NRK: variants seen among roughly 807,000 people sequenced by gnomAD.
The protein encoded by NRK is nik-related protein kinase.
In NRK, 67 loss-of-function variants were observed where a neutral mutation model predicts 125.2. That is an observed-to-expected ratio of 0.54 (90% CI 0.44 to 0.66). The LOEUF (loss-of-function observed/expected upper bound fraction) is 0.66, where lower values mean the gene tolerates loss of function less well. Among genes scored for constraint, NRK ranks in the 30% least tolerant of loss-of-function variants. The pLI is 0.00. For synonymous variants in NRK, 458 were observed against 429.0 expected, an observed-to-expected ratio of 1.07 and a Z score of -0.84; for missense variants, 1,224 against 1,192.9, an observed-to-expected ratio of 1.03 and a Z score of -0.38.
chrX:105,926,921 T>G (rs2040531275), intron 19 of NRK, among the ~76,000 whole-genome samples: 1 of 111,439 alleles, frequency 9.0e-6, no homozygotes, highest in South Asian at 3.7e-4. Flanking sequence ...TTGTGATGCC[T>G]CTAGTATTAT....
chrX:105,856,127 A>T (rs192594121), intron 2 of NRK, among the ~76,000 whole-genome samples: 2 of 111,976 alleles, frequency 1.8e-5, no homozygotes, highest in African/African-American at 6.5e-5. Context: ...TTACATTAAC[A>T]GTTGCTTACA....
intron 2 of NRK, among the ~76,000 whole-genome samples, chrX:105,854,266 A>G (rs771210119): frequency 8.9e-6 from 1 of 111,928 alleles, no homozygotes; most frequent in African/African-American, 3.2e-5. Context: ...GTCTGCTGCC[A>G]AACAGACTAA....
intron 19 of NRK, among the ~76,000 whole-genome samples, chrX:105,925,641 T>C (rs376496038): frequency 2.7e-5 from 3 of 111,374 alleles, no homozygotes; most frequent in African/African-American, 9.7e-5. Flanking sequence ...AACGACTATT[T>C]ACTCTCTAGT....
intron 2 of NRK, among the ~76,000 whole-genome samples, chrX:105,857,884 C>G (rs1009445857): frequency 9.0e-6 from 1 of 110,815 alleles, no homozygotes; most frequent in Non-Finnish European, 1.9e-5. Flanking sequence ...CCTTCTCTCT[C>G]TCTCTGTATG....
intron 2 of NRK, among the ~76,000 whole-genome samples, chrX:105,862,078 T>G (rs1050828125): frequency 2.1e-4 from 12 of 57,705 alleles, no homozygotes; most frequent in South Asian, 6.5e-4. Flanking sequence ...TCTATTGATC[T>G]ATCTATCTAT....
At chrX:105,859,163 A>G (rs184594578) in intron 2 of NRK, among the ~76,000 whole-genome samples, 2 of 111,835 alleles carry the variant, frequency 1.8e-5, no homozygotes, top group East Asian at 2.8e-4. Flanking sequence ...TCAGTTAGAT[A>G]AAAGAGAAAA....
chrX:105,933,154 A>C (rs1160135795), intron 19 of NRK, among the ~76,000 whole-genome samples: 2 of 100,375 alleles, frequency 2.0e-5, no homozygotes, highest in Non-Finnish European at 4.0e-5. Flanking sequence ...CAGTGGGAAA[A>C]TATCTATGTC....
chrX:105,913,192 G>T (rs2040323989), intron 14 of NRK, among the ~76,000 whole-genome samples: 1 of 111,526 alleles, frequency 9.0e-6, no homozygotes, highest in South Asian at 3.7e-4. Flanking sequence ...CTCACATATA[G>T]GTAGTGGGAA....
chrX:105,850,582 A>G (rs770914576), intron 2 of NRK, among the ~76,000 whole-genome samples: 1 of 112,352 alleles, frequency 8.9e-6, no homozygotes. Flanking sequence ...TTTTAACAGC[A>G]CCCAAGTCAC....
At position 105,896,520 on chromosome X, in the gene NRK, A is replaced by G. The variant is rs556703257; in HGVS notation, c.580+997A>G. ...TTTCTTTTGTGTCTGTCTAAAAGCT[A>G]TAAAGCTAGAAACACAATTTTAAAA... On this transcript the variant is annotated intron_variant, in intron 7 of 28. Coordinates refer to ENST00000243300, the MANE Select transcript of NRK (RefSeq NM_198465.4). Among the ~76,000 whole-genome samples, 60 of 111,926 alleles carry G rather than the reference A, an allele frequency of 5.4e-4. No individual in the cohort carries two copies. In the Middle Eastern group the frequency reaches 0.028, roughly 52 times the overall value.
chrX:105,862,089 CTATCTATCTATCTATT>C (rs1402958413), intron 2 of NRK, among the ~76,000 whole-genome samples: 1 of 111,155 alleles, frequency 9.0e-6, no homozygotes, highest in Non-Finnish European at 1.9e-5. Context: ...ATCTATCTAT[CTATCTATCTATCTATT>C]TATCTATATC....
At chrX:105,849,977 C>T (rs1254031708) in intron 2 of NRK, among the ~76,000 whole-genome samples, 2 of 112,098 alleles carry the variant, frequency 1.8e-5, no homozygotes, top group East Asian at 5.7e-4. Context: ...TAGGTGATGC[C>T]CCAGTAGGGA....
intron 4 of NRK, 105 bp downstream of exon 4, chrX:105,881,884 TAA>T: frequency 2.2e-6 from 1 of 457,042 alleles, no homozygotes; most frequent in Admixed American, 3.7e-5. Flanking sequence ...AGACTGCTAC[TAA>T]AAGTGTTCTT....
intron 1 of NRK, among the ~76,000 whole-genome samples, chrX:105,825,412 G>A (rs1287231999): frequency 8.9e-6 from 1 of 111,984 alleles, no homozygotes; most frequent in Non-Finnish European, 1.9e-5. Flanking sequence ...TTCAAACATT[G>A]GAGTTGCAAA....
chrX:105,934,730 G>A (rs1264404421), intron 20 of NRK, among the ~76,000 whole-genome samples: 5 of 112,163 alleles, frequency 4.5e-5, no homozygotes, highest in East Asian at 2.8e-4. Flanking sequence ...TAGCCATCAC[G>A]ATTTGTGTTA....
At chrX:105,841,150 C>T (rs1190365114) in intron 2 of NRK, among the ~76,000 whole-genome samples, 1 of 110,995 alleles carries the variant, frequency 9.0e-6, no homozygotes, top group African/African-American at 3.3e-5. Flanking sequence ...TGGGTGGTGC[C>T]AAAATCGCAC....
At chrX:105,927,569 A>T (rs2147775186) in intron 19 of NRK, among the ~76,000 whole-genome samples, 1 of 111,562 alleles carries the variant, frequency 9.0e-6, no homozygotes, top group East Asian at 2.8e-4. Flanking sequence ...TCTTAGAGGA[A>T]AGAATTTCAG....
At chrX:105,887,345 A>G (rs955475274) in intron 4 of NRK, among the ~76,000 whole-genome samples, 6 of 112,227 alleles carry the variant, frequency 5.3e-5, no homozygotes, top group Non-Finnish European at 9.4e-5. Context: ...ATCATTAGTC[A>G]TCAGGGAATT....
intron 19 of NRK, among the ~76,000 whole-genome samples, chrX:105,932,824 C>T (rs1246813368): frequency 9.0e-6 from 1 of 111,503 alleles, no homozygotes; most frequent in African/African-American, 3.3e-5. Context: ...TCAACTTTGA[C>T]TTCCCAAGGC....
Sources: allele counts gnomAD v4.1 joint callset (sites outside exome capture counted in the v4.1 genomes callset), GRCh38; gene constraint gnomAD v4.1.1; transcripts MANE v1.5; gene names NCBI Gene and HGNC (gene_info 2026-07-23, HGNC 2026-07-21).